The following IL18RAP variants were observed in gnomAD, a reference collection of about 807,000 sequenced individuals.
The protein encoded by IL18RAP is interleukin 18 receptor accessory protein, also known as interleukin-18 receptor accessory protein.
In IL18RAP, 37 loss-of-function variants were observed where a neutral mutation model predicts 58.1. That is an observed-to-expected ratio of 0.64 (90% confidence interval 0.49 to 0.84). The LOEUF is 0.84. Among genes scored for constraint, IL18RAP ranks in the 40% least tolerant of loss-of-function variants. The pLI is 0.00. For missense variants in IL18RAP, 667 were observed against 704.8 expected, an observed-to-expected ratio of 0.95 and a Z score of 0.61; for synonymous variants, 268 against 257.5, an observed-to-expected ratio of 1.04 and a Z score of -0.39.
At chr2:102,425,680 C>T (rs956658642) in intron 3 of IL18RAP, among the ~76,000 whole-genome samples, 1 of 151,966 alleles carries the variant, frequency 6.6e-6, no homozygotes, top group African/African-American at 2.4e-5. Flanking sequence ...GTCTTGTTGT[C>T]TTGGTGGGCT....
chr2:102,437,110 C>T (rs577280549), intron 3 of IL18RAP, 102 bp from the exon 4 acceptor site: 7 of 1,074,986 alleles, frequency 6.5e-6, no homozygotes, highest in South Asian at 4.9e-5. Context: ...TCAGATTGAC[C>T]TTCTTCCTCC....
chr2:102,447,100 T>C lies in IL18RAP; in HGVS notation c.1103T>C (p.Ile368Thr). 6.2e-7 allele frequency: 1 copy of C among 1,614,118 alleles called. No homozygotes were observed. Among genetic ancestry groups the C allele is most frequent in the Non-Finnish European group, 8.5e-7 (1 of 1,180,012 alleles). ...CTCCTGTACATCCTGCTTGGCACCA[T>C]CGGGACCCTGGTGGCCGTGCTGGCG... ...VVLLYILLGT[I>T]GTLVAVLAAS... The change falls in exon 8 of 10, where the codon ATC (isoleucine) becomes ACC (threonine). Residue 368 changes from isoleucine (I) to threonine (T), a missense_variant. Ile to Thr is a moderately conservative substitution (Grantham distance 89, BLOSUM62 -1). Transcript: ENST00000687160.
chr2:102,423,405 TGG>T, intron 1 of IL18RAP, 58 bp downstream of exon 1: 1 of 1,360,108 alleles, frequency 7.4e-7, no homozygotes, highest in South Asian at 1.2e-5. Context: ...TGTAAAGTGA[TGG>T]ATAACCTGAT....
At chr2:102,439,955 C>G (rs2104355559) in intron 4 of IL18RAP, 1 of 152,340 alleles carries the variant, frequency 6.6e-6, no homozygotes, top group South Asian at 2.1e-4. Context: ...GGGCTAGAGC[C>G]AAACCCGGAA....
At chr2:102,423,096 C>T (rs1349776653), upstream of IL18RAP, 8 of 652,616 alleles carry the variant, frequency 1.2e-5, no homozygotes, top group Middle Eastern at 5.1e-4. Context: ...TTGGGTAGGA[C>T]CTGCCCTTTC....
intron 4 of IL18RAP, chr2:102,439,087 C>T (rs146148646): frequency 5.9e-5 from 9 of 152,260 alleles, no homozygotes; most frequent in East Asian, 1.9e-4. Flanking sequence ...TCTTCTAATA[C>T]GTGTTAAAAT....
chr2:102,451,023 TAAGTCCAACATGTCAAGAAA>T lies in IL18RAP; in HGVS notation c.1384+5_1384+24del. Reference sequence around the variant, plus strand: ...AAAGAGATGTGGCTCCAGGAGGAGGTAAGTCCAACATGTCAAGAAAAACTGCAGTGCAAAAAGGGCAGTTC... The same window carrying T: ...AAAGAGATGTGGCTCCAGGAGGAGGTAACTGCAGTGCAAAAAGGGCAGTTC... On this transcript the variant is annotated splice_donor_5th_base_variant and intron_variant, in intron 9 of 9. Coordinates refer to ENST00000687160, the MANE Select transcript of IL18RAP (RefSeq NM_001393487.1). 2 of 1,583,018 alleles carry T rather than the reference TAAGTCCAACATGTCAAGAAA, an allele frequency of 1.3e-6. No individual in the cohort carries two copies. Among genetic ancestry groups the T allele is most frequent in the Non-Finnish European group, 1.7e-6 (2 of 1,166,592 alleles).
intron 6 of IL18RAP, among the ~76,000 whole-genome samples, chr2:102,444,921 A>G (rs955200618): frequency 6.6e-6 from 1 of 152,232 alleles, no homozygotes; most frequent in Non-Finnish European, 1.5e-5. Context: ...TATTGTTATT[A>G]TCTATTCTCA....
chr2:102,438,874 C>A (rs13383035), intron 4 of IL18RAP: 2,843 of 152,362 alleles, frequency 0.019, 105 homozygotes, highest in African/African-American at 0.064. Flanking sequence ...TGTCATAATA[C>A]AGTGCAGCAA....
Position 102,452,150 on chromosome 2 carries a change from C to T in IL18RAP, c.1769C>T (p.Thr590Ile). Residue 590 changes from threonine to isoleucine, a missense_variant, in exon 10 of 10, where the codon ACT becomes ATT. Physicochemically the swap from Thr to Ile is moderately conservative, Grantham distance 89. Transcript: ENST00000687160. Reference protein sequence around the residue: ...QWKGLSRTETTGRSSQPKEW With the variant: ...QWKGLSRTETIGRSSQPKEW The stretch of plus-strand genomic sequence containing the variant: ...AAAGGACTCAGTAGAACAGAAACCA[C>T]TGGGAGGAGCTCCCAGCCTAAGGAA... 3.7e-6 allele frequency: 6 copies of T among 1,611,082 alleles called. No homozygotes were observed. The highest frequency in any genetic ancestry group is 5.1e-6 in the Non-Finnish European group (6 of 1,178,498).
At position 102,424,357 on chromosome 2, in the gene IL18RAP, T is replaced by A; in HGVS notation, c.522T>A (p.Ser174=). Residue 174 remains serine, a synonymous_variant, in exon 3 of 10, where the codon TCT becomes TCA. Transcript: ENST00000687160. ...DLLLGSTGSI[S]CPSLSCQSDA... is the part of the protein sequence containing the mutation. ...TTCTTGGGAGCACTGGCTCTATTTC[T>A]TGCCCCAGTCTCAGCTGCCAAAGTG... The A allele has an allele frequency of 6.2e-7, 1 of 1,614,094 alleles. No homozygotes were observed. Among genetic ancestry groups the A allele is most frequent in the Non-Finnish European group, 8.5e-7 (1 of 1,179,968 alleles).
chr2:102,448,013 C>T (rs374157520), intron 8 of IL18RAP, among the ~76,000 whole-genome samples: 1 of 152,062 alleles, frequency 6.6e-6, no homozygotes, highest in East Asian at 1.9e-4. Context: ...GGATTACAGC[C>T]GTGAGCCACC....
chr2:102,443,257 C>G lies in IL18RAP; in HGVS notation c.854C>G (p.Pro285Arg), dbSNP rs1207986845. ...ARFGFERVFN[P>R]VIKWYIKDSD... ...TTTGGCTTTGAAAGGGTCTTTAACC[C>G]TGTCATAAAATGGTACATCAAAGAT... The change falls in exon 6 of 10, where the codon CCT becomes CGT. Residue 285 changes from proline (P) to arginine (R), a missense_variant. Transcript: ENST00000687160. 6.2e-7 allele frequency: 1 copy of G among 1,613,750 alleles called. No individual in the cohort carries two copies. Among genetic ancestry groups the G allele is most frequent in the Non-Finnish European group, 8.5e-7 (1 of 1,179,858 alleles).
intron 3 of IL18RAP, among the ~76,000 whole-genome samples, chr2:102,424,895 T>C (rs573460379): frequency 3.0e-4 from 45 of 152,300 alleles, no homozygotes; most frequent in African/African-American, 1.0e-3. Context: ...GACAGATGTC[T>C]TGCACAGGTG....
intron 3 of IL18RAP, chr2:102,432,255 C>G (rs1046772182): frequency 3.9e-5 from 6 of 152,696 alleles, no homozygotes; most frequent in Non-Finnish European, 8.8e-5. Context: ...ACTTTCTGAA[C>G]TCTATGGTCA....
upstream of IL18RAP, chr2:102,419,722 C>T (rs1049032193): frequency 3.9e-5 from 6 of 152,340 alleles, no homozygotes; most frequent in Non-Finnish European, 2.9e-5. Context: ...TGAAGGACAA[C>T]ATATGGTGAT....
intron 2 of IL18RAP, 44 bp downstream of exon 2, chr2:102,424,179 T>A: frequency 6.2e-7 from 1 of 1,607,030 alleles, no homozygotes; most frequent in Non-Finnish European, 8.5e-7. Context: ...TTCCAAATCC[T>A]CTATTATCTA....
chr2:102,421,544 C>T (rs1228323601), upstream of IL18RAP, among the ~76,000 whole-genome samples: 5 of 152,180 alleles, frequency 3.3e-5, no homozygotes, highest in Non-Finnish European at 1.5e-5. Context: ...AGTGGGGAGA[C>T]CACATCTTTA....
upstream of IL18RAP, chr2:102,419,503 TCC>T: frequency 6.6e-6 from 1 of 152,412 alleles, no homozygotes; most frequent in Admixed American, 6.5e-5. Flanking sequence ...TTCCTCTCTC[TCC>T]CCCGTTTCTC....
Sources: allele counts gnomAD v4.1 joint callset (sites outside exome capture counted in the v4.1 genomes callset), GRCh38; gene constraint gnomAD v4.1.1; transcripts MANE v1.5; gene names NCBI Gene and HGNC (gene_info 2026-07-23, HGNC 2026-07-21).